Variants in SHISA9 observed in about 807,000 individuals in gnomAD.
SHISA9 encodes protein shisa-9.
SHISA9 carries 13 observed loss-of-function variants against 38.0 expected under a neutral mutation model. That is an observed-to-expected ratio of 0.34 (90% CI 0.22 to 0.54). The LOEUF is 0.54. Among genes scored for constraint, SHISA9 ranks in the 20% least tolerant of loss-of-function variants. The pLI, the probability that SHISA9 is intolerant of heterozygous loss-of-function variation, is 0.91. For synonymous variants in SHISA9, 275 were observed against 242.0 expected (o/e 1.14, Z -1.27); for missense variants, 538 against 575.8 (o/e 0.93, Z 0.67).
the SHISA9 span, among the ~76,000 whole-genome samples, chr16:13,365,640 A>G: frequency 3.3e-5 from 5 of 151,798 alleles, no homozygotes; most frequent in Middle Eastern, 6.8e-3. Flanking sequence ...TATATTTTTT[A>G]TAGAGACAGG....
chr16:13,390,506 T>G, the SHISA9 span, among the ~76,000 whole-genome samples: 1 of 152,218 alleles, frequency 6.6e-6, no homozygotes, highest in Non-Finnish European at 1.5e-5. Flanking sequence ...CTCTCTGTTA[T>G]TCCGCCTGTG....
At chr16:13,078,659 G>C (rs1567204884) in intron 2 of SHISA9, among the ~76,000 whole-genome samples, 1 of 152,146 alleles carries the variant, frequency 6.6e-6, no homozygotes, top group Non-Finnish European at 1.5e-5. Flanking sequence ...GCCCACCTTG[G>C]TCTCCCAAGG....
chr16:12,981,810 T>C (rs1228524573), intron 2 of SHISA9, among the ~76,000 whole-genome samples: 1 of 152,030 alleles, frequency 6.6e-6, no homozygotes, highest in African/African-American at 2.4e-5. Flanking sequence ...GGTATCCTTA[T>C]AAGAAGAGGA....
the SHISA9 span, among the ~76,000 whole-genome samples, chr16:13,554,134 TG>T: frequency 1.3e-5 from 2 of 152,118 alleles, no homozygotes; most frequent in African/African-American, 4.8e-5. Context: ...GCACAGGTTT[TG>T]GCTGGGCATC....
intron 2 of SHISA9, among the ~76,000 whole-genome samples, chr16:12,935,567 G>A (rs558978787): frequency 6.4e-4 from 98 of 152,284 alleles, no homozygotes; most frequent in Non-Finnish European, 1.2e-3. Flanking sequence ...GAAGGGACAG[G>A]CCGGGCCCAG....
At chr16:13,301,238 G>A in the SHISA9 span, among the ~76,000 whole-genome samples, 2 of 152,140 alleles carry the variant, frequency 1.3e-5, no homozygotes. Flanking sequence ...AGAAAAGGTT[G>A]GAAAGGAGAC....
At chr16:12,919,244 A>G (rs77588195) in intron 2 of SHISA9, among the ~76,000 whole-genome samples, 1,611 of 152,322 alleles carry the variant, frequency 0.011, 31 homozygotes, top group African/African-American at 0.036. Context: ...TTTGTGCCAG[A>G]ACCAGAAGGC....
At chr16:13,395,154 G>A in the SHISA9 span, among the ~76,000 whole-genome samples, 396 of 152,220 alleles carry the variant, frequency 2.6e-3, 3 homozygotes, top group African/African-American at 9.0e-3. Context: ...ACCTGTGCTC[G>A]CCATAAGAAT....
chr16:13,371,972 G>A, the SHISA9 span, among the ~76,000 whole-genome samples: 1 of 152,208 alleles, frequency 6.6e-6, no homozygotes, highest in Non-Finnish European at 1.5e-5. Context: ...TCTCTTGCCT[G>A]CCTTTCTTCT....
At chr16:13,450,405 T>C in the SHISA9 span, among the ~76,000 whole-genome samples, 2 of 152,210 alleles carry the variant, frequency 1.3e-5, no homozygotes, top group Admixed American at 1.3e-4. Flanking sequence ...TGATCTATGC[T>C]AATCCCACTA....
At chr16:13,250,348 CA>C in the SHISA9 span, among the ~76,000 whole-genome samples, 1 of 151,982 alleles carries the variant, frequency 6.6e-6, no homozygotes, top group African/African-American at 2.4e-5. Context: ...TGAGGAGTGG[CA>C]AATAGAATTT....
chr16:13,505,652 G>C, the SHISA9 span, among the ~76,000 whole-genome samples: 1 of 152,296 alleles, frequency 6.6e-6, no homozygotes, highest in Non-Finnish European at 1.5e-5. Context: ...CAGTAGTTCT[G>C]TTTTCTGAGG....
At chr16:13,432,679 T>A in the SHISA9 span, among the ~76,000 whole-genome samples, 7 of 152,160 alleles carry the variant, frequency 4.6e-5, no homozygotes, top group Non-Finnish European at 7.4e-5. Context: ...GAAAGGCATA[T>A]AAGTGATTAT....
the SHISA9 span, among the ~76,000 whole-genome samples, chr16:13,368,248 G>C: frequency 1.3e-5 from 2 of 152,154 alleles, no homozygotes; most frequent in African/African-American, 4.8e-5. Flanking sequence ...CCCTTGGAGA[G>C]CTAGAGGTGC....
intron 2 of SHISA9, among the ~76,000 whole-genome samples, chr16:13,126,706 GGA>G (rs1361200336): frequency 6.8e-6 from 1 of 147,934 alleles, no homozygotes; most frequent in Non-Finnish European, 1.5e-5. Flanking sequence ...AAAGTGGGAG[GGA>G]GAGAGAGACT....
the SHISA9 span, among the ~76,000 whole-genome samples, chr16:13,360,611 C>T: frequency 6.6e-6 from 1 of 152,176 alleles, no homozygotes; most frequent in East Asian, 1.9e-4. Context: ...AATTGTCAGT[C>T]AATTAAACCT....
At chr16:12,903,641 C>T (rs1382221733) in intron 1 of SHISA9, among the ~76,000 whole-genome samples, 4 of 152,116 alleles carry the variant, frequency 2.6e-5, no homozygotes, top group African/African-American at 7.2e-5. Flanking sequence ...GCGTGAGGTC[C>T]GGGCGGGCGG....
the SHISA9 span, among the ~76,000 whole-genome samples, chr16:13,469,358 G>GAAAGAAAGGA: frequency 1.5e-5 from 1 of 67,516 alleles, no homozygotes; most frequent in Admixed American, 1.6e-4. Flanking sequence ...AAGAAAGAAA[G>GAAAGAAAGGA]AAAAGAAAAA....
At chr16:13,258,246 C>G in the SHISA9 span, 1 of 152,136 alleles carries the variant, frequency 6.6e-6, no homozygotes, top group African/African-American at 2.4e-5. Context: ...GGGAGTCATA[C>G]TGGTATAAAA....
Sources: gnomAD v4.1 joint callset for allele counts (sites outside exome capture counted in the v4.1 genomes callset) on GRCh38, gnomAD v4.1.1 for gene constraint, MANE v1.5 for transcripts, NCBI Gene and HGNC (gene_info 2026-07-23, HGNC 2026-07-21) for gene names.